Variants in ZNF804A observed in about 807,000 individuals in gnomAD.
ZNF804A encodes the protein zinc finger protein 804A.
ZNF804A carries 2 observed loss-of-function variants against 16.5 expected under a neutral mutation model. The ratio of observed to expected loss-of-function variants is 0.12; its 90% CI spans 0.05 to 0.38. The LOEUF is 0.38. ZNF804A is among the 10% of genes least tolerant of loss of function. ZNF804A has a pLI of 0.99. For missense variants in ZNF804A, 1,473 were observed against 1,390.7 expected (o/e 1.06, Z -0.94); for synonymous variants, 534 against 489.6 (o/e 1.09, Z -1.20).
intron 1 of ZNF804A, among the ~76,000 whole-genome samples, chr2:184,649,161 C>A (rs1691934504): frequency 1.3e-5 from 2 of 151,962 alleles, no homozygotes; most frequent in South Asian, 4.1e-4. Context: ...AGAAATTCGA[C>A]AACTTGATTG....
At chr2:184,890,394 T>G (rs1684962179) in intron 2 of ZNF804A, among the ~76,000 whole-genome samples, 1 of 152,096 alleles carries the variant, frequency 6.6e-6, no homozygotes, top group South Asian at 2.1e-4. Flanking sequence ...AATGTTGCAG[T>G]CCAAATGTAA....
intron 1 of ZNF804A, among the ~76,000 whole-genome samples, chr2:184,804,395 G>A (rs547453414): frequency 7.9e-5 from 12 of 152,194 alleles, no homozygotes; most frequent in African/African-American, 2.4e-4. Flanking sequence ...AATTGTGTCC[G>A]GATGTATCTG....
At chr2:184,607,823 C>T (rs1691173602) in intron 1 of ZNF804A, among the ~76,000 whole-genome samples, 1 of 150,980 alleles carries the variant, frequency 6.6e-6, no homozygotes, top group South Asian at 2.1e-4. Context: ...AGAGTTATGT[C>T]AATGTCCACC....
At chr2:184,873,242 C>T (rs1696001340) in intron 2 of ZNF804A, among the ~76,000 whole-genome samples, 1 of 152,140 alleles carries the variant, frequency 6.6e-6, no homozygotes, top group Non-Finnish European at 1.5e-5. Flanking sequence ...AATCCCAGCA[C>T]TTTTGAAGAC....
intron 2 of ZNF804A, among the ~76,000 whole-genome samples, chr2:184,903,700 T>A (rs1685222082): frequency 6.6e-6 from 1 of 152,146 alleles, no homozygotes; most frequent in African/African-American, 2.4e-5. Context: ...CAGATTTTCT[T>A]TTTTAATCAC....
intron 1 of ZNF804A, among the ~76,000 whole-genome samples, chr2:184,742,806 G>A (rs1559139660): frequency 1.3e-5 from 2 of 151,464 alleles, no homozygotes; most frequent in African/African-American, 4.8e-5. Context: ...ATATGTGTGT[G>A]TATATATATA....
chr2:184,671,125 C>T (rs1692333436), intron 1 of ZNF804A, among the ~76,000 whole-genome samples: 1 of 152,274 alleles, frequency 6.6e-6, no homozygotes, highest in African/African-American at 2.4e-5. Flanking sequence ...AAGCAGTAAT[C>T]AGTTCAGGCT....
intron 1 of ZNF804A, among the ~76,000 whole-genome samples, chr2:184,809,535 G>C (rs1002417979): frequency 1.3e-5 from 2 of 151,726 alleles, no homozygotes; most frequent in African/African-American, 4.8e-5. Context: ...CACAGTTGAA[G>C]TATTTTACAA....
chr2:184,706,542 G>GT (rs1693033865), intron 1 of ZNF804A, among the ~76,000 whole-genome samples: 1 of 152,074 alleles, frequency 6.6e-6, no homozygotes, highest in African/African-American at 2.4e-5. Flanking sequence ...AAAATTTATG[G>GT]TTAGGTGGCT....
intron 2 of ZNF804A, among the ~76,000 whole-genome samples, chr2:184,900,064 A>G (rs1035367183): frequency 1.3e-5 from 2 of 152,114 alleles, no homozygotes; most frequent in African/African-American, 4.8e-5. Flanking sequence ...AATAAATAGA[A>G]TCTAAGAAAA....
chr2:184,676,450 G>T (rs1692437690), intron 1 of ZNF804A, among the ~76,000 whole-genome samples: 1 of 151,338 alleles, frequency 6.6e-6, no homozygotes, highest in Non-Finnish European at 1.5e-5. Context: ...TATTATCAAG[G>T]TTGAAAATAT....
intron 1 of ZNF804A, among the ~76,000 whole-genome samples, chr2:184,847,697 GTC>G (rs1036087317): frequency 6.6e-6 from 1 of 152,042 alleles, no homozygotes; most frequent in African/African-American, 2.4e-5. Context: ...ACAGGTTAAA[GTC>G]TGAGTCCCAT....
chr2:184,898,097 T>C (rs1012160877), intron 2 of ZNF804A, among the ~76,000 whole-genome samples: 3 of 152,182 alleles, frequency 2.0e-5, no homozygotes, highest in Admixed American at 6.6e-5. Context: ...TTTAAATGTT[T>C]TGTTATTTTA....
At chr2:184,666,716 G>A (rs1692261302) in intron 1 of ZNF804A, among the ~76,000 whole-genome samples, 1 of 151,940 alleles carries the variant, frequency 6.6e-6, no homozygotes, top group African/African-American at 2.4e-5. Flanking sequence ...GGCAAGGGAG[G>A]CAAATTAACT....
At chr2:184,911,417 T>C (rs577787626) in intron 2 of ZNF804A, among the ~76,000 whole-genome samples, 49 of 152,246 alleles carry the variant, frequency 3.2e-4, no homozygotes, top group African/African-American at 8.2e-4. Flanking sequence ...ACTTCTGGCT[T>C]CATACATTTT....
chr2:184,857,969 G>T (rs999373642), intron 1 of ZNF804A, among the ~76,000 whole-genome samples: 1 of 151,888 alleles, frequency 6.6e-6, no homozygotes, highest in Non-Finnish European at 1.5e-5. Context: ...ATTATTGATA[G>T]GTAAGAACTT....
At chr2:184,929,360 G>GTTTGTTTTTCATTCA (rs1428768150) in intron 2 of ZNF804A, among the ~76,000 whole-genome samples, 1 of 152,002 alleles carries the variant, frequency 6.6e-6, no homozygotes, top group Non-Finnish European at 1.5e-5. Context: ...GGAAAATACG[G>GTTTGTTTTTCATTCA]TTTGTTTTTC....
chr2:184,600,395 G>A (rs1691026040), intron 1 of ZNF804A, among the ~76,000 whole-genome samples: 2 of 152,084 alleles, frequency 1.3e-5, no homozygotes, highest in African/African-American at 4.8e-5. Flanking sequence ...TTGATTTTGT[G>A]GATGTGGTTG....
chr2:184,641,307 G>T (rs1326905614), intron 1 of ZNF804A, among the ~76,000 whole-genome samples: 1 of 152,166 alleles, frequency 6.6e-6, no homozygotes, highest in Non-Finnish European at 1.5e-5. Context: ...GATATATGGA[G>T]CAGCAGGCAT....
Sources: gnomAD v4.1 joint callset for allele counts (sites outside exome capture counted in the v4.1 genomes callset) on GRCh38, gnomAD v4.1.1 for gene constraint, MANE v1.5 for transcripts, NCBI Gene and HGNC (gene_info 2026-07-23, HGNC 2026-07-21) for gene names.